PCDHGA10: variants seen among roughly 807,000 people sequenced by gnomAD.
PCDHGA10 encodes the protein protocadherin gamma-A10.
A neutral mutation model predicts 59.5 loss-of-function variants in PCDHGA10; 42 were observed. That is an observed-to-expected ratio of 0.71 (90% CI 0.55 to 0.91). The LOEUF is 0.91. Ranked by LOEUF, PCDHGA10 falls within the 40% of genes least tolerant of loss-of-function variation. PCDHGA10 has a pLI of 0.00. For missense variants in PCDHGA10, 1,111 were observed against 1,198.2 expected, an observed-to-expected ratio of 0.93 and a Z score of 1.07; for synonymous variants, 511 against 517.2, an observed-to-expected ratio of 0.99 and a Z score of 0.16.
chr5:141,421,443 GAC>G (rs771422215), intron 1 of PCDHGA10: 47 of 1,613,988 alleles, frequency 2.9e-5, no homozygotes, highest in Non-Finnish European at 3.6e-5. Context: ...CCAGAGGGAA[GAC>G]ACAGCTTTTC....
At chr5:141,423,354 C>A in intron 1 of PCDHGA10, 1 of 1,614,202 alleles carries the variant, frequency 6.2e-7, no homozygotes. Context: ...TGGTCTTTGT[C>A]ATCGTGCTGC....
In PCDHGA10 at chr5:141,448,136, A is replaced by G. The variant is rs2098567363; in HGVS notation, c.2436+32525A>G. Among the ~76,000 whole-genome samples, 5 of 152,036 alleles carry G rather than the reference A, an allele frequency of 3.3e-5. No individual in the cohort carries two copies. The South Asian group carries it at 1.0e-3, about 32-fold the overall frequency. On this transcript the variant is annotated intron_variant, in intron 1 of 3. Transcript: ENST00000398610. ...AAAATTAGCCTCCCCCACCCTCACT[A>G]TACCTCAGACTCACCCCTGAAAGAT...
At chr5:141,502,030 C>T (rs1031787021) in intron 2 of PCDHGA10, among the ~76,000 whole-genome samples, 4 of 152,180 alleles carry the variant, frequency 2.6e-5, no homozygotes, top group Non-Finnish European at 4.4e-5. Flanking sequence ...CAACCCCCGC[C>T]GCTTGCCTGC....
chr5:141,485,661 G>A lies in PCDHGA10; in HGVS notation c.2437-9146G>A. On this transcript the variant is annotated intron_variant, in intron 1 of 3. Transcript: ENST00000398610. This position sits in a 1 kb window ranked among gnomAD's most constrained non-coding sequence, Gnocchi z 5.7. ...GAAAAGGCTCAGGATGCAGATGTGGGGAGCAATTCGATTAGCAGCTATAGG... is the reference window on the plus strand; with the variant it reads ...GAAAAGGCTCAGGATGCAGATGTGGAGAGCAATTCGATTAGCAGCTATAGG... 2 of 1,612,678 alleles carry A rather than the reference G, an allele frequency of 1.2e-6. No individual in the cohort carries two copies. Among genetic ancestry groups the A allele is most frequent in the Non-Finnish European group, 1.7e-6 (2 of 1,178,884 alleles).
chr5:141,510,954 T>G lies in PCDHGA10; in HGVS notation c.2592T>G (p.Ala864=), dbSNP rs774590102. The change falls in exon 4 of 4, where the codon GCT becomes GCG. Residue 864 remains alanine, a synonymous_variant. Coordinates refer to ENST00000398610, the MANE Select transcript of PCDHGA10 (RefSeq NM_018913.3). ...AMILASASEA[A]DGSSTLGGGA... ...CTTCCTCTGTCTCTGCAGAAGCTGC[T>G]GATGGGAGCTCCACCCTGGGAGGGG... is the stretch of plus-strand genomic sequence containing the variant. The G allele has an allele frequency of 3.1e-6, 5 of 1,614,162 alleles. No homozygotes were observed. The Admixed American group carries it at 8.3e-5, about 27-fold the overall frequency.
chr5:141,461,138 C>T (rs1416058747), intron 1 of PCDHGA10, among the ~76,000 whole-genome samples: 1 of 151,942 alleles, frequency 6.6e-6, no homozygotes, highest in East Asian at 1.9e-4. Flanking sequence ...ACTTATTTTC[C>T]TTTGGGTAGA....
chr5:141,449,854 T>C (rs769118919), intron 1 of PCDHGA10, among the ~76,000 whole-genome samples: 7 of 151,974 alleles, frequency 4.6e-5, no homozygotes, highest in South Asian at 4.1e-4. Context: ...ATTTTAATAA[T>C]AAAAATCAGA....
chr5:141,437,648 A>G (rs1291089695), intron 1 of PCDHGA10, among the ~76,000 whole-genome samples: 2 of 152,204 alleles, frequency 1.3e-5, no homozygotes, highest in African/African-American at 4.8e-5. Context: ...AGAAAAGCAA[A>G]CACATAGTTT....
rs1018272442 is a variant in PCDHGA10 at position 141,419,770 on chromosome 5, G to T, written c.2436+4159G>T. The stretch of plus-strand genomic sequence containing the variant: ...TGCGTGCTTTGGGTGACAAGGACTC[G>T]GTCCGCCAGCGCCTGCTAGTCGCTG... On this transcript the variant is annotated intron_variant, in intron 1 of 3. Transcript: ENST00000398610. 6.2e-6 allele frequency: 10 copies of T among 1,613,888 alleles called. No homozygotes were observed. The African/African-American group carries it at 1.2e-4, about 19-fold the overall frequency.
intron 1 of PCDHGA10, chr5:141,423,696 T>A: frequency 4.0e-6 from 6 of 1,492,822 alleles, no homozygotes; most frequent in Non-Finnish European, 5.3e-6. Flanking sequence ...ATTGTTGGTG[T>A]CTTGGCACAA....
At chr5:141,475,950 C>T (rs1236145505) in intron 1 of PCDHGA10, 3 of 761,526 alleles carry the variant, frequency 3.9e-6, no homozygotes, top group East Asian at 2.7e-5. Context: ...CCCCTTTCTG[C>T]GCCCCGGGAT....
Position 141,413,630 on chromosome 5 carries a change from C to T in PCDHGA10, c.455C>T (p.Ala152Val), listed in dbSNP as rs746896115. 1.2e-6 allele frequency: 2 copies of T among 1,613,692 alleles called. No homozygotes were observed. Among genetic ancestry groups the T allele is most frequent in the Admixed American group, 3.3e-5 (2 of 60,004 alleles). ...GTAAAAATTAATGAAAATGTCGCTG[C>T]GGGAATGCGTTTTCCTCTCCCGGAA... ...LDVKINENVA[A>V]GMRFPLPEAI... is the part of the protein sequence containing the mutation. The change falls in exon 1 of 4, where the codon GCG (alanine) becomes GTG (valine). Residue 152 changes from alanine (A) to valine (V), a missense_variant. Physicochemically the swap from Ala to Val is moderately conservative, Grantham distance 64. Transcript: ENST00000398610.
chr5:141,425,317 C>T (rs78746536), intron 1 of PCDHGA10, among the ~76,000 whole-genome samples: 174 of 152,168 alleles, frequency 1.1e-3, no homozygotes, highest in East Asian at 3.7e-3. Context: ...TTCCCAAGAT[C>T]GTGGAGAACA....
intron 1 of PCDHGA10, among the ~76,000 whole-genome samples, chr5:141,465,396 C>A (rs2099102528): frequency 6.6e-6 from 1 of 152,054 alleles, no homozygotes; most frequent in Admixed American, 6.6e-5. Context: ...AAAAACAAGT[C>A]AGAAGAAGCC....
chr5:141,428,180 C>A, intron 1 of PCDHGA10: 1 of 1,486,268 alleles, frequency 6.7e-7, no homozygotes, highest in Non-Finnish European at 9.2e-7. Flanking sequence ...TGACGGAGGA[C>A]AGCCGCCGCT....
chr5:141,510,420 G>A (rs1275392355), intron 3 of PCDHGA10, among the ~76,000 whole-genome samples: 2 of 152,126 alleles, frequency 1.3e-5, no homozygotes, highest in Non-Finnish European at 2.9e-5. Flanking sequence ...TAAAGCCATG[G>A]TTTCATGGCT....
chr5:141,467,055 CTTTT>C (rs1193465269), intron 1 of PCDHGA10, among the ~76,000 whole-genome samples: 5 of 134,484 alleles, frequency 3.7e-5, no homozygotes, highest in Non-Finnish European at 4.9e-5. Context: ...TCAATGTTTT[CTTTT>C]TTTTTTTTTT....
intron 1 of PCDHGA10, among the ~76,000 whole-genome samples, chr5:141,488,969 CCAAT>C (rs1303368467): frequency 4.6e-5 from 7 of 152,106 alleles, no homozygotes; most frequent in Non-Finnish European, 7.4e-5. Context: ...GACTTTTTGG[CCAAT>C]CAGACTCAGA....
At chr5:141,464,228 G>A (rs1196103285) in intron 1 of PCDHGA10, among the ~76,000 whole-genome samples, 1 of 148,156 alleles carries the variant, frequency 6.7e-6, no homozygotes, top group African/African-American at 2.5e-5. Context: ...TTGCGCCACT[G>A]CACTCCAGCC....
Sources: gnomAD v4.1 joint callset for allele counts (sites outside exome capture counted in the v4.1 genomes callset) on GRCh38, gnomAD v4.1.1 for gene constraint, Gnocchi (gnomAD v3.1) non-coding constraint, MANE v1.5 for transcripts, NCBI Gene and HGNC (gene_info 2026-07-23, HGNC 2026-07-21) for gene names.